Variants in PTPRM observed in about 807,000 individuals in gnomAD.
PTPRM encodes receptor-type tyrosine-protein phosphatase mu.
Under a neutral mutation model 186.7 loss-of-function variants are expected in PTPRM, and 47 were observed. The ratio of observed to expected loss-of-function variants is 0.25; its 90% CI spans 0.20 to 0.32. PTPRM has a LOEUF of 0.32. Among genes scored for constraint, PTPRM ranks in the 10% least tolerant of loss-of-function variants. The pLI is 1.00. For synonymous variants in PTPRM, 668 were observed against 674.9 expected, an observed-to-expected ratio of 0.99 and a Z score of 0.16; for missense variants, 1,494 against 1,865.0, an observed-to-expected ratio of 0.80 and a Z score of 3.66.
At chr18:8,185,227 ACCATCCAGACAT>A (rs1483001847) in intron 14 of PTPRM, among the ~76,000 whole-genome samples, 1 of 152,170 alleles carries the variant, frequency 6.6e-6, no homozygotes, top group Non-Finnish European at 1.5e-5. Flanking sequence ...TTTGTACATG[ACCATCCAGACAT>A]CCATCTCTCC....
chr18:7,737,023 C>G (rs1274961932), intron 1 of PTPRM, among the ~76,000 whole-genome samples: 2 of 152,194 alleles, frequency 1.3e-5, no homozygotes, highest in South Asian at 4.1e-4. Flanking sequence ...AGGCTGGTCT[C>G]GAACTCCTGA....
intron 14 of PTPRM, among the ~76,000 whole-genome samples, chr18:8,168,564 A>C (rs2093355161): frequency 1.3e-5 from 2 of 152,212 alleles, no homozygotes; most frequent in Non-Finnish European, 1.5e-5. Context: ...GAGAAAAATA[A>C]GTTAGTTCCA....
intron 7 of PTPRM, among the ~76,000 whole-genome samples, chr18:7,978,591 G>A (rs1390733614): frequency 6.6e-6 from 1 of 152,146 alleles, no homozygotes; most frequent in African/African-American, 2.4e-5. Context: ...CGAGGCGAAT[G>A]TTGGTAACAC....
At chr18:8,043,362 T>G (rs774949559) in intron 7 of PTPRM, among the ~76,000 whole-genome samples, 7 of 152,190 alleles carry the variant, frequency 4.6e-5, no homozygotes, top group African/African-American at 4.8e-5. Context: ...AGTTTTAGTC[T>G]GCTGCCCAGA....
intron 2 of PTPRM, among the ~76,000 whole-genome samples, chr18:7,841,762 CT>C (rs1188015443): frequency 6.6e-6 from 1 of 152,082 alleles, no homozygotes; most frequent in Non-Finnish European, 1.5e-5. Context: ...TGAGTGGCCC[CT>C]TGTAGGTGAT....
intron 14 of PTPRM, among the ~76,000 whole-genome samples, chr18:8,237,318 A>G (rs1330585842): frequency 6.7e-6 from 1 of 149,404 alleles, no homozygotes; most frequent in Non-Finnish European, 1.5e-5. Context: ...TCCTTCTCTC[A>G]TGTTCTTCCT....
At chr18:7,782,655 C>T (rs1023027875) in intron 2 of PTPRM, among the ~76,000 whole-genome samples, 1 of 152,142 alleles carries the variant, frequency 6.6e-6, no homozygotes, top group Non-Finnish European at 1.5e-5. Flanking sequence ...AATTTGGCCA[C>T]TCTAGGTAGC....
intron 2 of PTPRM, among the ~76,000 whole-genome samples, chr18:7,854,752 A>C (rs1380236770): frequency 3.5e-5 from 5 of 141,714 alleles, no homozygotes; most frequent in Non-Finnish European, 7.5e-5. Context: ...TTTTTTTTAC[A>C]ACTGATATAT....
chr18:8,188,074 C>T (rs1428824121), intron 14 of PTPRM, among the ~76,000 whole-genome samples: 1 of 152,156 alleles, frequency 6.6e-6, no homozygotes, highest in African/African-American at 2.4e-5. Flanking sequence ...ATTGTAGGCT[C>T]CTAAATCTCA....
intron 17 of PTPRM, among the ~76,000 whole-genome samples, chr18:8,249,962 TGTATTGA>T (rs58097892): frequency 0.17 from 26,304 of 152,016 alleles, 2,616 homozygotes; most frequent in Non-Finnish European, 0.23. Context: ...TGTGAATCTA[TGTATTGA>T]GTAACAAGGA....
At chr18:8,246,971 A>G (rs1415601586) in intron 15 of PTPRM, among the ~76,000 whole-genome samples, 1 of 152,226 alleles carries the variant, frequency 6.6e-6, no homozygotes, top group Non-Finnish European at 1.5e-5. Flanking sequence ...ACTTAGCATC[A>G]AACAGATCAT....
At chr18:7,871,719 G>T (rs527923707) in intron 2 of PTPRM, among the ~76,000 whole-genome samples, 206 of 152,278 alleles carry the variant, frequency 1.4e-3, no homozygotes, top group African/African-American at 4.6e-3. Flanking sequence ...GCTAGCTTCA[G>T]TGCCACTTTT....
At position 8,126,000 on chromosome 18, in the gene PTPRM, TATATATATATATATATATATA is replaced by T. The variant is rs1209362502; in HGVS notation, c.2167+11174_2167+11194del. Among the ~76,000 whole-genome samples, 60 of 16,310 alleles carry T rather than the reference TATATATATATATATATATATA, an allele frequency of 3.7e-3. 1 individual carries two copies. Among genetic ancestry groups the T allele is most frequent in the Admixed American group, 0.021 (22 of 1,024 alleles). 10.7% of individuals were successfully genotyped at this position (16,310 alleles called of 152,430 possible). A position where few individuals can be genotyped will look rare whatever the true frequency, so the allele number is the denominator to read the frequency against. On this transcript the variant is annotated intron_variant, in intron 13 of 32. Coordinates refer to ENST00000580170, the MANE Select transcript of PTPRM (RefSeq NM_001105244.2). ...ACATATATATATATATATATATATA[TATATATATATATATATATATA>T]TATATATTTTAAATCAGTAGACCTT...
chr18:8,198,260 C>A (rs1452037085), intron 14 of PTPRM, among the ~76,000 whole-genome samples: 10 of 152,182 alleles, frequency 6.6e-5, no homozygotes, highest in Admixed American at 5.9e-4. Context: ...GATCCTCCCA[C>A]CTCAGCCTCC....
At position 7,691,086 on chromosome 18, in the gene PTPRM, G is replaced by C. The variant is rs944633794; in HGVS notation, c.74-83063G>C. 4.4e-4 allele frequency among the ~76,000 whole-genome samples: 67 copies of C among 152,196 alleles called. 1 individual carries two copies. The highest frequency in any genetic ancestry group is 1.5e-3 in the African/African-American group (64 of 41,542). On this transcript the variant is annotated intron_variant, in intron 1 of 32. Coordinates refer to ENST00000580170, the MANE Select transcript of PTPRM (RefSeq NM_001105244.2). The stretch of plus-strand genomic sequence containing the variant: ...CATCTCGACTAAGTAATTTTTAAAA[G>C]AGAATTATTCAGTAAATGTTTTGAT...
chr18:7,869,815 T>G (rs2047897868), intron 2 of PTPRM, among the ~76,000 whole-genome samples: 1 of 152,182 alleles, frequency 6.6e-6, no homozygotes, highest in African/African-American at 2.4e-5. Flanking sequence ...ATGCTTTCTG[T>G]GGGGCGTGGA....
chr18:7,582,436 A>G (rs2143516540), intron 1 of PTPRM, among the ~76,000 whole-genome samples: 1 of 152,310 alleles, frequency 6.6e-6, no homozygotes, highest in African/African-American at 2.4e-5. Flanking sequence ...ATGCTTGGGA[A>G]GAGTACGTTG....
In PTPRM at chr18:7,789,678, T is replaced by C. The variant is rs536467074; in HGVS notation, c.196+15407T>C. On this transcript the variant is annotated intron_variant, in intron 2 of 32. Transcript: ENST00000580170. ...GAAGTCGCTATCTGCCCATTTGCTC[T>C]GGCTGGCATCTTTAGGAAGCTGAAT... Among the ~76,000 whole-genome samples, 3 of 152,314 alleles carry C rather than the reference T, an allele frequency of 2.0e-5. No individual in the cohort carries two copies. In the South Asian group the frequency reaches 6.2e-4, roughly 32 times the overall value.
chr18:8,130,582 C>T (rs1231936417), intron 13 of PTPRM, among the ~76,000 whole-genome samples: 2 of 152,128 alleles, frequency 1.3e-5, no homozygotes, highest in African/African-American at 4.8e-5. Flanking sequence ...AGCTGAGCTT[C>T]CTGCTGGAAT....
Sources: allele counts gnomAD v4.1 joint callset (sites outside exome capture counted in the v4.1 genomes callset), GRCh38; gene constraint gnomAD v4.1.1; transcripts MANE v1.5; gene names NCBI Gene and HGNC (gene_info 2026-07-23, HGNC 2026-07-21).